CFD: variants seen among roughly 807,000 people sequenced by gnomAD.
CFD encodes the protein C3 convertase activator.
CFD carries 24 observed loss-of-function variants against 21.1 expected under a neutral mutation model. The ratio of observed to expected loss-of-function variants is 1.14; its 90% confidence interval spans 0.82 to 1.60. CFD has a LOEUF of 1.60. Among genes scored for constraint, CFD ranks in the 40% most tolerant of loss-of-function variants. CFD has a pLI of 0.00. For synonymous variants in CFD, 242 were observed against 175.9 expected (o/e 1.38, Z -2.97); for missense variants, 535 against 383.3 (o/e 1.40, Z -3.31).
intron 1 of CFD, 65 bp from the exon 2 acceptor site, chr19:860,552 C>A: frequency 3.7e-6 from 5 of 1,353,852 alleles, no homozygotes; most frequent in Non-Finnish European, 4.7e-6. Flanking sequence ...GCTGGGATCC[C>A]GTCAGGCAGC....
rs1440832451 is a variant in CFD, at chr19:861,975, G to A, written c.615+19G>A. 9 of 1,535,562 alleles carry A rather than the reference G, an allele frequency of 5.9e-6. No individual in the cohort carries two copies. In the South Asian group the frequency reaches 8.3e-5, roughly 14 times the overall value. ...CTGCAAGGTGAGCCTTCAGGCCTGG[G>A]AGGAGACGCGGGGCCTGCAGGCCCC... On this transcript the variant is annotated intron_variant, in intron 4 of 4. Transcript: ENST00000327726.
In CFD at chr19:860,955, C is replaced by A. The variant is rs1247099917; in HGVS notation, c.307C>A (p.His103Asn). Residue 103 changes from histidine (H) to asparagine (N), a missense_variant, in exon 3 of 5, where the codon CAC becomes AAC. Physicochemically the swap from His to Asn is moderately conservative, Grantham distance 68 (BLOSUM62 1). Transcript: ENST00000327726. ...RLYDVLRAVP[H>N]PDSQPDTIDH... ...GTACGACGTGCTCCGCGCAGTGCCC[C>A]ACCCGGACAGCCAGCCCGACACCAT... 3 of 1,600,708 alleles carry A rather than the reference C, an allele frequency of 1.9e-6. No individual in the cohort carries two copies. Among genetic ancestry groups the A allele is most frequent in the Non-Finnish European group, 2.5e-6 (3 of 1,179,524 alleles).
intron 1 of CFD, 77 bp from the exon 2 acceptor site, chr19:860,540 G>A: frequency 7.5e-7 from 1 of 1,331,178 alleles, no homozygotes; most frequent in Non-Finnish European, 9.6e-7. Flanking sequence ...TGGGGGGTGA[G>A]AGCTGGGATC....
intron 3 of CFD, 61 bp from the exon 4 acceptor site, chr19:861,638 C>A (rs2035795245): frequency 1.7e-5 from 26 of 1,538,450 alleles, no homozygotes; most frequent in Non-Finnish European, 2.3e-5. Flanking sequence ...CCGAGCCTAG[C>A]GGCATTCTCC....
chr19:862,567 G>A (rs973507342), intron 4 of CFD, among the ~76,000 whole-genome samples: 2 of 151,610 alleles, frequency 1.3e-5, no homozygotes, highest in Non-Finnish European at 2.9e-5. Flanking sequence ...CAGGGCTGGT[G>A]CGGAGCGGGA....
At chr19:860,430 A>ACCCCCCC (rs57197777) in intron 1 of CFD, among the ~76,000 whole-genome samples, 187 bp from the exon 2 acceptor site, 2 of 140,376 alleles carry the variant, frequency 1.4e-5, no homozygotes, top group African/African-American at 2.7e-5. Flanking sequence ...CATGATCTGC[A>ACCCCCCC]CCCCCCCCTC....
chr19:860,990 C>G lies in CFD; in HGVS notation c.342C>G (p.Asp114Glu), dbSNP rs781192454. The change falls in exon 3 of 5, where the codon GAC (aspartate) becomes GAG (glutamate). Residue 114 changes from aspartate (D) to glutamate (E), a missense_variant. By Grantham distance (45) the Asp-to-Glu change is conservative. Transcript: ENST00000327726. The part of the protein sequence containing the change: ...PDSQPDTIDH[D>E]LLLLQLSEKA... ...GCCAGCCCGACACCATCGACCACGA[C>G]CTCCTGCTGCTACAGGTCGGCCCCG... is the stretch of plus-strand genomic sequence containing the variant. 1 of 1,598,816 alleles carries G rather than the reference C, an allele frequency of 6.3e-7. No individual in the cohort carries two copies. The highest frequency in any genetic ancestry group is 1.3e-5 in the African/African-American group (1 of 74,888).
chr19:863,476 C>T lies in CFD; in HGVS notation c.*238C>T, dbSNP rs984533653. 3.5e-6 allele frequency: 2 copies of T among 573,668 alleles called. No homozygotes were observed. The highest frequency in any genetic ancestry group is 2.8e-5 in the Admixed American group (1 of 35,788). 35.5% of individuals were successfully genotyped at this position (573,668 alleles called of 1,614,324 possible). On this transcript the variant is annotated 3_prime_UTR_variant, in exon 5 of 5. Coordinates refer to ENST00000327726, the MANE Select transcript of CFD (RefSeq NM_001928.4). ...CAATTGGCGGGCATGGAGGTGGGTG[C>T]TTGTAGTTCCAGCTACTCAGGAGGC... is the stretch of plus-strand genomic sequence containing the variant.
Position 860,750 on chromosome 19 carries a change from C to A in CFD, c.189C>A (p.Ser63Arg). 1 of 1,567,710 alleles carries A rather than the reference C, an allele frequency of 6.4e-7. No homozygotes were observed. Among genetic ancestry groups the A allele is most frequent in the Non-Finnish European group, 8.6e-7 (1 of 1,166,132 alleles). ...TGGTGGCGGAGCAGTGGGTGCTGAG[C>A]GCGGCGCACTGCCTGGAGGACGCGT... ...GVLVAEQWVL[S>R]AAHCLEDAAD... Residue 63 changes from serine to arginine, a missense_variant, in exon 2 of 5, where the codon AGC (serine) becomes AGA (arginine). Physicochemically the swap from Ser to Arg is moderately radical, Grantham distance 110. Transcript: ENST00000327726.
Position 863,329 on chromosome 19 carries a change from GCACC to G in CFD, c.*92_*95del, listed in dbSNP as rs1215901604. The G allele has an allele frequency of 4.1e-6, 6 of 1,459,520 alleles. No individual in the cohort carries two copies. The highest frequency in any genetic ancestry group is 1.7e-4 in the Middle Eastern group (1 of 5,856). The allele number at this position is 1,459,520 out of a possible 1,614,324, so 90.4% of individuals were successfully genotyped here. A position where few individuals can be genotyped will look rare whatever the true frequency, so the allele number is the denominator to read the frequency against. On this transcript the variant is annotated 3_prime_UTR_variant, in exon 5 of 5. Transcript: ENST00000327726. ...CCTGCATCTGGTTGGTCTTTATTGA[GCACC>G]TACTATATGCAGAAGGGGAGGCCGA...
rs1198090093 is a variant in CFD at position 860,929 on chromosome 19, T to C, written c.281T>C (p.Leu94Pro). Residue 94 changes from leucine (L) to proline (P), a missense_variant, in exon 3 of 5, where the codon CTG becomes CCG. Coordinates refer to ENST00000327726, the MANE Select transcript of CFD (RefSeq NM_001928.4). ...TCGCAGCCGGAGCCCTCCAAGCGCC[T>C]GTACGACGTGCTCCGCGCAGTGCCC... ...SLSQPEPSKRLYDVLRAVPHP... is the reference protein window; with the variant it reads ...SLSQPEPSKRPYDVLRAVPHP... 6.2e-7 allele frequency: 1 copy of C among 1,600,898 alleles called. No individual in the cohort carries two copies. Among genetic ancestry groups the C allele is most frequent in the East Asian group, 2.2e-5 (1 of 44,766 alleles).
intron 3 of CFD, 115 bp downstream of exon 3, chr19:861,120 G>T: frequency 1.1e-6 from 1 of 890,278 alleles, no homozygotes; most frequent in Non-Finnish European, 1.8e-6. Flanking sequence ...GCTGCATGGG[G>T]ACCCCGCCCC....
intron 4 of CFD, among the ~76,000 whole-genome samples, chr19:862,720 C>A (rs961987448): frequency 2.0e-5 from 3 of 151,394 alleles, no homozygotes; most frequent in African/African-American, 7.3e-5. Flanking sequence ...CTGAGCAGAG[C>A]AGGTGGCCAC....
chr19:862,794 G>T (rs966481088), intron 4 of CFD, among the ~76,000 whole-genome samples: 1 of 53,322 alleles, frequency 1.9e-5, no homozygotes, highest in Non-Finnish European at 6.0e-5. Flanking sequence ...CAGGAATGAG[G>T]TGTGGGACCC....
rs1046678788 is a variant in CFD, at chr19:863,172, C to T, written c.696C>T (p.Arg232=). The T allele has an allele frequency of 8.9e-6, 13 of 1,463,560 alleles. No homozygotes were observed. The East Asian group carries it at 3.1e-4, about 35-fold the overall frequency. 90.7% of individuals were successfully genotyped at this position (1,463,560 alleles called of 1,614,324 possible). A position where few individuals can be genotyped will look rare whatever the true frequency, so the allele number is the denominator to read the frequency against. The change falls in exon 5 of 5, where the codon CGC becomes CGT. Residue 232 remains arginine, a synonymous_variant. Coordinates refer to ENST00000327726, the MANE Select transcript of CFD (RefSeq NM_001928.4). ...VTSGSRVCGN[R]KKPGIYTRVA... is the part of the protein sequence containing the mutation. ...CGGGCTCGCGCGTTTGCGGCAACCG[C>T]AAGAAGCCCGGGATCTACACCCGCG...
chr19:860,201 T>C (rs1271413208), intron 1 of CFD, among the ~76,000 whole-genome samples: 5 of 151,922 alleles, frequency 3.3e-5, no homozygotes, highest in South Asian at 2.1e-4. Context: ...TTCTTTCTTT[T>C]TTTTTTTGAT....
At position 863,105 on chromosome 19, in the gene CFD, G is replaced by A. The variant is rs781602858; in HGVS notation, c.629G>A (p.Gly210Asp). The A allele has an allele frequency of 2.0e-6, 3 of 1,525,404 alleles. No homozygotes were observed. The highest frequency in any genetic ancestry group is 1.8e-4 in the Middle Eastern group (1 of 5,494). 94.5% of individuals were successfully genotyped at this position (1,525,404 alleles called of 1,614,324 possible). A position where few individuals can be genotyped will look rare whatever the true frequency, so the allele number is the denominator to read the frequency against. The change falls in exon 5 of 5, where the codon GGC becomes GAC. Residue 210 changes from glycine to aspartate, a missense_variant. Gly to Asp is a moderately conservative substitution (Grantham distance 94). Transcript: ENST00000327726. ...CTGTTCCGGCAGGGTGACTCCGGGGGCCCGCTGGTGTGCGGGGGCGTGCTC... is the reference window on the plus strand; with the variant it reads ...CTGTTCCGGCAGGGTGACTCCGGGGACCCGCTGGTGTGCGGGGGCGTGCTC... ...RRDSCKGDSG[G>D]PLVCGGVLEG...
In CFD at chr19:861,876, T is replaced by G; in HGVS notation, c.535T>G (p.Cys179Gly). ...CTTGCCAGTGCTGGACCGCGCCACCTGCAACCGGCGCACGCACCACGACGG... is the reference window on the plus strand; with the variant it reads ...CTTGCCAGTGCTGGACCGCGCCACCGGCAACCGGCGCACGCACCACGACGG... ...VLLPVLDRATCNRRTHHDGAI... is the reference protein window; with the variant it reads ...VLLPVLDRATGNRRTHHDGAI... The change falls in exon 4 of 5, where the codon TGC (cysteine) becomes GGC (glycine). Residue 179 changes from cysteine to glycine, a missense_variant. Coordinates refer to ENST00000327726, the MANE Select transcript of CFD (RefSeq NM_001928.4). 2 of 1,591,730 alleles carry G rather than the reference T, an allele frequency of 1.3e-6. No individual in the cohort carries two copies. The highest frequency in any genetic ancestry group is 8.5e-7 in the Non-Finnish European group (1 of 1,175,390).
At position 861,869 on chromosome 19, in the gene CFD, C is replaced by A. The variant is rs545543006; in HGVS notation, c.528C>A (p.Arg176=). ...LQHVLLPVLD[R]ATCNRRTHHD... ...ACGTGCTCTTGCCAGTGCTGGACCG[C>A]GCCACCTGCAACCGGCGCACGCACC... Residue 176 remains arginine (R), a synonymous_variant, in exon 4 of 5, where the codon CGC becomes CGA. Coordinates refer to ENST00000327726, the MANE Select transcript of CFD (RefSeq NM_001928.4). 2.1e-4 allele frequency: 332 copies of A among 1,594,796 alleles called. 2 individuals are homozygous for A. The highest frequency in any genetic ancestry group is 3.3e-4 in the Middle Eastern group (2 of 6,026).
Sources: allele counts gnomAD v4.1 joint callset (sites outside exome capture counted in the v4.1 genomes callset), GRCh38; gene constraint gnomAD v4.1.1; transcripts MANE v1.5; gene names NCBI Gene and HGNC (gene_info 2026-07-23, HGNC 2026-07-21).